The following PREX2 variants were observed in gnomAD, a reference collection of about 807,000 sequenced individuals.
The protein encoded by PREX2 is phosphatidylinositol 3,4,5-trisphosphate-dependent Rac exchanger 2 protein.
A neutral mutation model predicts 203.2 loss-of-function variants in PREX2; 107 were observed. The ratio of observed to expected loss-of-function variants is 0.53; its 90% CI spans 0.45 to 0.62. The LOEUF (loss-of-function observed/expected upper bound fraction) is 0.62, where lower values mean the gene tolerates loss of function less well. PREX2 is among the 20% of genes least tolerant of loss of function. PREX2 has a pLI of 0.00. For missense variants in PREX2, 1,777 were observed against 1,955.9 expected (o/e 0.91, Z 1.72); for synonymous variants, 672 against 663.6 (o/e 1.01, Z -0.19).
chr8:68,209,077 AAAAAAAAAAAAAAGAAAGAAAAAAG>A (rs928057571), intron 37 of PREX2, among the ~76,000 whole-genome samples: 1 of 151,312 alleles, frequency 6.6e-6, no homozygotes, highest in African/African-American at 2.4e-5. Context: ...ATTTAAAAAA[AAAAAAAAAAAAAAGAAAGAAAAAAG>A]AAAAAAAGGA....
intron 1 of PREX2, among the ~76,000 whole-genome samples, chr8:67,968,761 A>T (rs1805843040): frequency 6.6e-6 from 1 of 152,180 alleles, no homozygotes; most frequent in Non-Finnish European, 1.5e-5. Flanking sequence ...TGGGTTTCTT[A>T]TCTATGCTTT....
chr8:68,234,814 A>G lies in PREX2; in HGVS notation c.*3436A>G, dbSNP rs1251424794. On this transcript the variant is annotated 3_prime_UTR_variant, in exon 40 of 40. Coordinates refer to ENST00000288368, the MANE Select transcript of PREX2 (RefSeq NM_024870.4). Reference sequence around the variant, plus strand: ...TTTAAATCAATTTAAAATTAGGTAAACTTTTTATGATACTATAATATATAT... The same window carrying G: ...TTTAAATCAATTTAAAATTAGGTAAGCTTTTTATGATACTATAATATATAT... The G allele has an allele frequency of 6.6e-6, 1 of 152,088 alleles. No homozygotes were observed. The highest frequency in any genetic ancestry group is 2.4e-5 in the African/African-American group (1 of 41,424). 9.4% of individuals were successfully genotyped at this position (152,088 alleles called of 1,614,324 possible).
chr8:68,227,275 A>G (rs758497055), intron 39 of PREX2, among the ~76,000 whole-genome samples: 7 of 152,212 alleles, frequency 4.6e-5, no homozygotes, highest in Non-Finnish European at 1.0e-4. Flanking sequence ...CAGAATCAAT[A>G]GTCTTTGGAC....
At chr8:68,086,127 T>C (rs1459267264) in intron 18 of PREX2, among the ~76,000 whole-genome samples, 1 of 152,216 alleles carries the variant, frequency 6.6e-6, no homozygotes, top group Non-Finnish European at 1.5e-5. Context: ...CAAAAACTGT[T>C]TAATTAAGGA....
At chr8:68,223,987 C>T (rs939299900) in intron 38 of PREX2, among the ~76,000 whole-genome samples, 19 of 152,020 alleles carry the variant, frequency 1.2e-4, no homozygotes, top group Non-Finnish European at 2.4e-4. Flanking sequence ...TTACTATTTT[C>T]AACATCTTTT....
intron 26 of PREX2, among the ~76,000 whole-genome samples, chr8:68,116,993 G>A (rs1470736755): frequency 1.3e-5 from 2 of 152,130 alleles, no homozygotes; most frequent in South Asian, 2.1e-4. Flanking sequence ...AGCCACATAA[G>A]CTGTGTATAC....
At chr8:68,186,003 G>C (rs1245140205) in intron 35 of PREX2, among the ~76,000 whole-genome samples, 2 of 148,882 alleles carry the variant, frequency 1.3e-5, no homozygotes, top group Non-Finnish European at 3.0e-5. Context: ...TTTGATTAAG[G>C]AGCATTGCAA....
Position 68,006,342 on chromosome 8 carries a change from A to G in PREX2, c.142-11504A>G, listed in dbSNP as rs1373544937. On this transcript the variant is annotated intron_variant, in intron 1 of 39. Transcript: ENST00000288368. The stretch of plus-strand genomic sequence containing the variant: ...CAACAGTGTACATCCACTCTATACA[A>G]TTAGATTCTATCCTCAGTCTTGATT... Among the ~76,000 whole-genome samples, 6 of 152,346 alleles carry G rather than the reference A, an allele frequency of 3.9e-5. No individual in the cohort carries two copies. The East Asian group carries it at 9.6e-4, about 24-fold the overall frequency.
In PREX2 at chr8:68,234,282, C is replaced by A. The variant is rs1219585044; in HGVS notation, c.*2904C>A. On this transcript the variant is annotated 3_prime_UTR_variant, in exon 40 of 40. Transcript: ENST00000288368. ...GATGTGTTTACCTTAATGCTACATGCTCCTCTATAACCAGTGCACCTTCAA... is the reference window on the plus strand; with the variant it reads ...GATGTGTTTACCTTAATGCTACATGATCCTCTATAACCAGTGCACCTTCAA... 1 of 152,082 alleles carries A rather than the reference C, an allele frequency of 6.6e-6. No individual in the cohort carries two copies. The highest frequency in any genetic ancestry group is 1.5e-5 in the Non-Finnish European group (1 of 68,024). 9.4% of individuals were successfully genotyped at this position (152,082 alleles called of 1,614,324 possible). A position where few individuals can be genotyped will look rare whatever the true frequency, so the allele number is the denominator to read the frequency against.
intron 8 of PREX2, among the ~76,000 whole-genome samples, chr8:68,048,354 A>T (rs1014397932): frequency 1.3e-5 from 2 of 152,062 alleles, no homozygotes; most frequent in Non-Finnish European, 2.9e-5. Flanking sequence ...CTTATGCACT[A>T]GTTTATTTCT....
At chr8:67,988,761 GA>G (rs1806511970) in intron 1 of PREX2, among the ~76,000 whole-genome samples, 1 of 152,172 alleles carries the variant, frequency 6.6e-6, no homozygotes, top group South Asian at 2.1e-4. Context: ...CCAGAAGCTT[GA>G]CAGGTCACGC....
intron 23 of PREX2, among the ~76,000 whole-genome samples, chr8:68,104,334 T>A (rs914668082): frequency 2.0e-5 from 3 of 152,128 alleles, no homozygotes; most frequent in Non-Finnish European, 2.9e-5. Context: ...ATCTGTGCCC[T>A]CCCTGCCTGC....
In PREX2 at chr8:68,121,572, TATATGACTTTGAGACGACTTC is replaced by T; in HGVS notation, c.3724+526_3724+546del. On this transcript the variant is annotated intron_variant, in intron 30 of 39. Transcript: ENST00000288368. The stretch of plus-strand genomic sequence containing the variant: ...ATTGGTAAAACCTGTAAATTGGAGA[TATATGACTTTGAGACGACTTC>T]ATTGAGATAGATTGCATGTTGTTTA... Among the ~76,000 whole-genome samples the T allele has an allele frequency of 1.3e-5, 2 of 152,290 alleles. 1 individual carries two copies. Among genetic ancestry groups the T allele is most frequent in the South Asian group, 4.1e-4 (2 of 4,828 alleles).
rs756062210 is a variant in PREX2, at chr8:68,127,431, C to T, written c.3766+12C>T. The T allele has an allele frequency of 1.3e-6, 2 of 1,597,478 alleles. No individual in the cohort carries two copies. Among genetic ancestry groups the T allele is most frequent in the Non-Finnish European group, 1.7e-6 (2 of 1,166,890 alleles). On this transcript the variant is annotated intron_variant, in intron 31 of 39. Transcript: ENST00000288368. ...TCTTGAATATTCAGGTAACATTTTG[C>T]ATTTTATTTTTTTTTACTATTTAAG...
chr8:68,038,309 G>T lies in PREX2; in HGVS notation c.839+17G>T. The stretch of plus-strand genomic sequence containing the variant: ...AAAACACAGGTAAGATCCTAAGCAG[G>T]ACACACTTCAGAAGTGGTCACAGTT... On this transcript the variant is annotated intron_variant, in intron 7 of 39. Transcript: ENST00000288368. The T allele has an allele frequency of 6.2e-7, 1 of 1,612,822 alleles. No individual in the cohort carries two copies.
chr8:68,059,875 G>A (rs1156441250), intron 10 of PREX2, among the ~76,000 whole-genome samples: 3 of 152,170 alleles, frequency 2.0e-5, no homozygotes, highest in Non-Finnish European at 4.4e-5. Flanking sequence ...TTGGTACCAG[G>A]TCCTCTCCAT....
At chr8:68,197,157 C>CA (rs1055682063) in intron 37 of PREX2, among the ~76,000 whole-genome samples, 2 of 151,528 alleles carry the variant, frequency 1.3e-5, no homozygotes, top group Non-Finnish European at 2.9e-5. Flanking sequence ...AATCCATTCA[C>CA]AAGACCCCCA....
At chr8:68,181,485 T>C (rs1353271368) in intron 35 of PREX2, among the ~76,000 whole-genome samples, 1 of 152,140 alleles carries the variant, frequency 6.6e-6, no homozygotes, top group Non-Finnish European at 1.5e-5. Flanking sequence ...CTTCAGTTGA[T>C]TTGAATTAAG....
Position 68,079,218 on chromosome 8 carries a change from G to A in PREX2, c.1643-1225G>A, listed in dbSNP as rs947093284. Among the ~76,000 whole-genome samples the A allele has an allele frequency of 1.7e-4, 26 of 152,214 alleles. No individual in the cohort carries two copies. The East Asian group carries it at 3.9e-3, about 23-fold the overall frequency. On this transcript the variant is annotated intron_variant, in intron 15 of 39. Coordinates refer to ENST00000288368, the MANE Select transcript of PREX2 (RefSeq NM_024870.4). ...ACTTCTGTTGCTAATTATGGCTTCC[G>A]TTGTTTTTCAAATTTGTGGTTGATA...
Sources: allele counts gnomAD v4.1 joint callset (sites outside exome capture counted in the v4.1 genomes callset), GRCh38; gene constraint gnomAD v4.1.1; transcripts MANE v1.5; gene names NCBI Gene and HGNC (gene_info 2026-07-23, HGNC 2026-07-21).